DIP2C: variants seen among roughly 807,000 people sequenced by gnomAD.
DIP2C encodes the protein disco-interacting protein 2 homolog C.
Under a neutral mutation model 192.4 loss-of-function variants are expected in DIP2C, and 33 were observed. The ratio of observed to expected loss-of-function variants is 0.17; its 90% CI spans 0.13 to 0.23. The LOEUF is 0.23. Among genes scored for constraint, DIP2C ranks in the 10% least tolerant of loss-of-function variants. The pLI, the probability that DIP2C is intolerant of heterozygous loss-of-function variation, is 1.00. For synonymous variants in DIP2C, 979 were observed against 864.1 expected (o/e 1.13, Z -2.33); for missense variants, 1,537 against 2,110.1 (o/e 0.73, Z 5.32).
chr10:519,758 T>A (rs1846582482), intron 1 of DIP2C, among the ~76,000 whole-genome samples: 1 of 152,230 alleles, frequency 6.6e-6, no homozygotes, highest in African/African-American at 2.4e-5. Flanking sequence ...TAACACTTTC[T>A]CTGCATGTCT....
intron 14 of DIP2C, among the ~76,000 whole-genome samples, chr10:387,397 T>C (rs1477135715): frequency 6.6e-6 from 1 of 152,186 alleles, no homozygotes; most frequent in African/African-American, 2.4e-5. Context: ...AAGTGAAACG[T>C]AGGCAAATCT....
intron 32 of DIP2C, among the ~76,000 whole-genome samples, chr10:299,024 T>C (rs1366760441): frequency 6.6e-6 from 1 of 152,258 alleles, no homozygotes; most frequent in Admixed American, 6.5e-5. Flanking sequence ...AATTTCAAAA[T>C]GATAGTAAGC....
intron 1 of DIP2C, among the ~76,000 whole-genome samples, chr10:582,057 CA>C (rs1407060702): frequency 6.6e-6 from 1 of 152,102 alleles, no homozygotes; most frequent in African/African-American, 2.4e-5. Context: ...ACACAGTTTA[CA>C]ATAGGATTCC....
At chr10:669,966 C>A (rs753942057) in intron 1 of DIP2C, among the ~76,000 whole-genome samples, 1 of 152,072 alleles carries the variant, frequency 6.6e-6, no homozygotes, top group Non-Finnish European at 1.5e-5. Flanking sequence ...ATCGAATGTT[C>A]ATCTTTATTA....
At chr10:404,350 A>T (rs755017333) in intron 9 of DIP2C, among the ~76,000 whole-genome samples, 62 of 151,962 alleles carry the variant, frequency 4.1e-4, no homozygotes, top group Non-Finnish European at 7.4e-4. Flanking sequence ...CTAGGACTAT[A>T]GGCATGCACC....
At chr10:634,986 C>T (rs1047513390) in intron 1 of DIP2C, among the ~76,000 whole-genome samples, 26 of 152,130 alleles carry the variant, frequency 1.7e-4, no homozygotes, top group Admixed American at 1.4e-3. Flanking sequence ...GCAAGATTTA[C>T]GCAGACGTCA....
chr10:397,517 G>T (rs1964083548), intron 10 of DIP2C, among the ~76,000 whole-genome samples: 1 of 127,952 alleles, frequency 7.8e-6, no homozygotes, highest in Admixed American at 8.2e-5. Context: ...GAGACACAGC[G>T]ACTCCATCTC....
At chr10:579,116 T>C (rs894296104) in intron 1 of DIP2C, among the ~76,000 whole-genome samples, 6 of 151,952 alleles carry the variant, frequency 3.9e-5, no homozygotes, top group Admixed American at 2.0e-4. Context: ...TGTAGGTACA[T>C]AGGTACACTA....
At chr10:500,131 T>A (rs1845123566) in intron 1 of DIP2C, among the ~76,000 whole-genome samples, 1 of 152,166 alleles carries the variant, frequency 6.6e-6, no homozygotes, top group Non-Finnish European at 1.5e-5. Flanking sequence ...AGCTGGGCCC[T>A]CCCCTACATC....
At chr10:443,752 A>G (rs1967927534) in intron 3 of DIP2C, among the ~76,000 whole-genome samples, 1 of 152,164 alleles carries the variant, frequency 6.6e-6, no homozygotes. Flanking sequence ...CAATATATTC[A>G]CTAATTTATT....
At chr10:668,210 A>G (rs1273567652) in intron 1 of DIP2C, 1 of 152,164 alleles carries the variant, frequency 6.6e-6, no homozygotes, top group African/African-American at 2.4e-5. Flanking sequence ...CAACATACAC[A>G]TACAACACAC....
chr10:389,913 C>G, intron 13 of DIP2C, 78 bp downstream of exon 13: 1 of 1,138,308 alleles, frequency 8.8e-7, no homozygotes, highest in Admixed American at 2.1e-5. Context: ...TATGGCTCCT[C>G]GTGGGAGTGA....
In DIP2C at chr10:362,702, A is replaced by G; in HGVS notation, c.2593-11T>C. 6.3e-7 allele frequency: 1 copy of G among 1,593,580 alleles called. No individual in the cohort carries two copies. The highest frequency in any genetic ancestry group is 8.6e-7 in the Non-Finnish European group (1 of 1,169,352). ...TATACTGTCAATCGCCTAGAAAGTT[A>G]ATAAAGAGGAAATCATGTTATAAGA... On this transcript the variant is annotated splice_polypyrimidine_tract_variant and intron_variant, in intron 21 of 36. Coordinates refer to ENST00000280886, the MANE Select transcript of DIP2C (RefSeq NM_014974.3).
chr10:618,206 A>G (rs1853601167), intron 1 of DIP2C, among the ~76,000 whole-genome samples: 1 of 152,042 alleles, frequency 6.6e-6, no homozygotes, highest in Non-Finnish European at 1.5e-5. Context: ...TTTTCTGATA[A>G]TATTTTCTTA....
intron 3 of DIP2C, among the ~76,000 whole-genome samples, chr10:461,937 A>C (rs2133382846): frequency 6.6e-6 from 1 of 152,352 alleles, no homozygotes; most frequent in South Asian, 2.1e-4. Flanking sequence ...ACTACTGGGT[A>C]AATAATGAAA....
intron 1 of DIP2C, among the ~76,000 whole-genome samples, chr10:557,332 C>T (rs1175397870): frequency 6.6e-6 from 1 of 152,088 alleles, no homozygotes; most frequent in African/African-American, 2.4e-5. Flanking sequence ...GGGACAGGGC[C>T]AGAACCACTC....
chr10:393,835 A>C (rs12782236), intron 10 of DIP2C, among the ~76,000 whole-genome samples: 2 of 150,290 alleles, frequency 1.3e-5, no homozygotes, highest in African/African-American at 2.5e-5. Context: ...GGAAAAAAAA[A>C]AAAAACAACC....
At chr10:385,372 A>G (rs1962806012) in intron 14 of DIP2C, among the ~76,000 whole-genome samples, 1 of 152,228 alleles carries the variant, frequency 6.6e-6, no homozygotes, top group African/African-American at 2.4e-5. Flanking sequence ...TGCTTTCCCT[A>G]AACTACTCCT....
intron 15 of DIP2C, 70 bp downstream of exon 15, chr10:384,476 G>C: frequency 6.7e-7 from 1 of 1,486,790 alleles, no homozygotes; most frequent in East Asian, 2.3e-5. Context: ...GACCTCAGGT[G>C]ATCCACCTGC....
Sources: allele counts gnomAD v4.1 joint callset (sites outside exome capture counted in the v4.1 genomes callset), GRCh38; gene constraint gnomAD v4.1.1; transcripts MANE v1.5; gene names NCBI Gene and HGNC (gene_info 2026-07-23, HGNC 2026-07-21).